RAB27A: variants seen among roughly 807,000 people sequenced by gnomAD.
The protein encoded by RAB27A is ras-related protein Rab-27A.
RAB27A carries 17 observed loss-of-function variants against 20.8 expected under a neutral mutation model. That is an observed-to-expected ratio of 0.82 (90% CI 0.56 to 1.23). The LOEUF (loss-of-function observed/expected upper bound fraction) is 1.23. RAB27A is among the 50% of genes most tolerant of loss of function. RAB27A has a pLI of 0.00. For synonymous variants in RAB27A, 85 were observed against 92.8 expected, an observed-to-expected ratio of 0.92 and a Z score of 0.48; for missense variants, 277 against 266.7, an observed-to-expected ratio of 1.04 and a Z score of -0.27.
rs982076276 is a variant in RAB27A, at chr15:55,214,328, C to T, written c.468-8623G>A. On this transcript the variant is annotated intron_variant, in intron 6 of 6. Transcript: ENST00000336787. Reference sequence around the variant, plus strand: ...GTGGACGCCTGTAGTCCCAGCTACTCGGGAGGCTGAGGCAGGAGGATGGCA... The same window carrying T: ...GTGGACGCCTGTAGTCCCAGCTACTTGGGAGGCTGAGGCAGGAGGATGGCA... Among the ~76,000 whole-genome samples the T allele has an allele frequency of 3.3e-5, 5 of 152,106 alleles. 1 individual carries two copies. The highest frequency in any genetic ancestry group is 4.1e-4 in the South Asian group (2 of 4,826).
chr15:55,249,337 C>CA (rs1356759896), intron 2 of RAB27A, among the ~76,000 whole-genome samples: 1 of 152,004 alleles, frequency 6.6e-6, no homozygotes, highest in Non-Finnish European at 1.5e-5. Context: ...TGCACTGGCG[C>CA]AATTATGTCT....
In RAB27A at chr15:55,226,910, A is replaced by G. The variant is rs974328436; in HGVS notation, c.343+1699T>C. 9.2e-5 allele frequency among the ~76,000 whole-genome samples: 14 copies of G among 152,120 alleles called. 1 individual carries two copies. The highest frequency in any genetic ancestry group is 7.2e-4 in the Admixed American group (11 of 15,280). On this transcript the variant is annotated intron_variant, in intron 5 of 6. Transcript: ENST00000336787. ...AGATAAGAAATGAATGATCATTGTA[A>G]TACTCAAAAGGCTGACAGGAAGAAG...
chr15:55,263,506 T>C (rs967258871), intron 2 of RAB27A, among the ~76,000 whole-genome samples: 12 of 152,242 alleles, frequency 7.9e-5, no homozygotes, highest in Non-Finnish European at 1.5e-4. Context: ...GAATTTTCTT[T>C]TGAACACAGT....
At chr15:55,243,046 C>T (rs1896552621) in intron 2 of RAB27A, among the ~76,000 whole-genome samples, 1 of 152,104 alleles carries the variant, frequency 6.6e-6, no homozygotes. Context: ...ATAATTAAGG[C>T]TTGTGCTCTC....
At chr15:55,270,477 T>C (rs569331085) in intron 1 of RAB27A, 193 bp from the exon 2 acceptor site, 1 of 152,282 alleles carries the variant, frequency 6.6e-6, no homozygotes, top group Admixed American at 6.5e-5. Context: ...TTTTTGCCCC[T>C]TTCAAGCTTA....
intron 6 of RAB27A, among the ~76,000 whole-genome samples, chr15:55,221,036 A>C (rs1021495675): frequency 4.6e-5 from 7 of 152,258 alleles, no homozygotes; most frequent in Admixed American, 2.0e-4. Context: ...CTCCATAACC[A>C]TCGTGACCTG....
chr15:55,260,927 G>A (rs778288333), intron 2 of RAB27A, among the ~76,000 whole-genome samples: 2 of 151,846 alleles, frequency 1.3e-5, no homozygotes, highest in Non-Finnish European at 2.9e-5. Flanking sequence ...CTAAACTATG[G>A]ACTTTGGATG....
intron 1 of RAB27A, among the ~76,000 whole-genome samples, chr15:55,287,190 G>A (rs1261250371): frequency 6.6e-6 from 1 of 151,902 alleles, no homozygotes; most frequent in Non-Finnish European, 1.5e-5. Context: ...AAAGTGCTGC[G>A]ATTACAGGCG....
intron 6 of RAB27A, among the ~76,000 whole-genome samples, chr15:55,215,651 C>CAGAAAAAAAAAAA (rs1895253144): frequency 1.3e-5 from 1 of 76,578 alleles, no homozygotes; most frequent in East Asian, 3.9e-4. Flanking sequence ...GACTCCGTCT[C>CAGAAAAAAAAAAA]AAAAAAAAAA....
chr15:55,242,584 T>C (rs1196546204), intron 2 of RAB27A, among the ~76,000 whole-genome samples: 2 of 152,186 alleles, frequency 1.3e-5, no homozygotes, highest in Non-Finnish European at 2.9e-5. Flanking sequence ...ACGTTCTTCA[T>C]TAGCAAGGCA....
chr15:55,218,455 A>G (rs1371935366), intron 6 of RAB27A, among the ~76,000 whole-genome samples: 1 of 152,266 alleles, frequency 6.6e-6, no homozygotes, highest in Non-Finnish European at 1.5e-5. Context: ...AGACTAAACT[A>G]TTAGAGATCA....
intron 2 of RAB27A, among the ~76,000 whole-genome samples, chr15:55,307,902 G>A (rs1254456598): frequency 6.6e-6 from 1 of 151,862 alleles, no homozygotes; most frequent in Non-Finnish European, 1.5e-5. Flanking sequence ...TCTGATGGGT[G>A]CTATCAATGC....
intron 1 of RAB27A, among the ~76,000 whole-genome samples, chr15:55,287,335 G>T (rs1172596433): frequency 3.3e-5 from 5 of 152,192 alleles, no homozygotes. Flanking sequence ...AAGACTAGGG[G>T]AAAAGCAGCT....
chr15:55,288,838 A>T (rs1030912690), intron 1 of RAB27A: 1 of 152,148 alleles, frequency 6.6e-6, no homozygotes, highest in Non-Finnish European at 1.5e-5. Flanking sequence ...AAAAAGAACA[A>T]GAACAGTGAG....
At chr15:55,286,160 A>G (rs1898146563) in intron 1 of RAB27A, among the ~76,000 whole-genome samples, 1 of 152,206 alleles carries the variant, frequency 6.6e-6, no homozygotes, top group Admixed American at 6.5e-5. Flanking sequence ...CTTGGAAGCC[A>G]AGCAGGGTTG....
chr15:55,308,308 A>T (rs1268993035), intron 2 of RAB27A, among the ~76,000 whole-genome samples: 2 of 152,214 alleles, frequency 1.3e-5, no homozygotes, highest in African/African-American at 4.8e-5. Flanking sequence ...CTCAGAAATT[A>T]GGAATTCCCC....
chr15:55,292,431 T>C (rs1185491732), upstream of RAB27A, among the ~76,000 whole-genome samples: 1 of 152,192 alleles, frequency 6.6e-6, no homozygotes, highest in Non-Finnish European at 1.5e-5. Flanking sequence ...AGAGGTCAAT[T>C]AGCACGCTGT....
intron 6 of RAB27A, among the ~76,000 whole-genome samples, chr15:55,207,353 T>C (rs1375013427): frequency 6.6e-6 from 1 of 152,190 alleles, no homozygotes; most frequent in African/African-American, 2.4e-5. Flanking sequence ...CAGGGATACA[T>C]GAGACATCAG....
chr15:55,213,092 C>G (rs1203631564), intron 6 of RAB27A, among the ~76,000 whole-genome samples: 1 of 152,212 alleles, frequency 6.6e-6, no homozygotes, highest in Non-Finnish European at 1.5e-5. Context: ...CTGTTGACTT[C>G]ATTGCCACCA....
Sources: gnomAD v4.1 joint callset for allele counts (sites outside exome capture counted in the v4.1 genomes callset) on GRCh38, gnomAD v4.1.1 for gene constraint, MANE v1.5 for transcripts, NCBI Gene and HGNC (gene_info 2026-07-23, HGNC 2026-07-21) for gene names.